Variants in SLC8A2 observed in about 807,000 individuals in gnomAD.
SLC8A2 encodes the protein solute carrier family 8 member A2, also known as sodium/calcium exchanger 2.
In SLC8A2, 14 loss-of-function variants were observed where a neutral mutation model predicts 70.2. The observed-to-expected ratio is 0.20, with a 90% CI of 0.13 to 0.31. The LOEUF (loss-of-function observed/expected upper bound fraction) is 0.31, where lower values mean the gene tolerates loss of function less well. Ranked by LOEUF, SLC8A2 falls within the 10% of genes least tolerant of loss-of-function variation. SLC8A2 has a pLI of 1.00. For synonymous variants in SLC8A2, 575 were observed against 594.3 expected, an observed-to-expected ratio of 0.97 and a Z score of 0.47; for missense variants, 779 against 1,320.1, an observed-to-expected ratio of 0.59 and a Z score of 6.35.
rs186742887 is a variant in SLC8A2, at chr19:47,470,783, T to G, written c.-17+1006A>C. ...TCATCTCTACTACAGAGGCTACCGG[T>G]TAAACTGCAAGAAGGACCGGCCTCA... On this transcript the variant is annotated intron_variant, in intron 1 of 9. Coordinates refer to ENST00000236877, the MANE Select transcript of SLC8A2 (RefSeq NM_015063.3). Among the ~76,000 whole-genome samples, 472 of 152,088 alleles carry G rather than the reference T, an allele frequency of 3.1e-3. 1 individual carries two copies. Among genetic ancestry groups the G allele is most frequent in the African/African-American group, 0.011 (441 of 41,484 alleles).
chr19:47,441,410 G>C lies in SLC8A2; in HGVS notation c.1794C>G (p.Asp598Glu). The change falls in exon 5 of 10, where the codon GAC (aspartate) becomes GAG (glutamate). Residue 598 changes from aspartate to glutamate, a missense_variant. Transcript: ENST00000236877. The stretch of plus-strand genomic sequence containing the variant: ...AATTATCCTTTTTCTCATATTCCTC[G>C]TCATCAACTATCTTCACCTGAAGAG... ...MKTLQVKIVD[D>E]EEYEKKDNFF... 1 of 1,613,220 alleles carries C rather than the reference G, an allele frequency of 6.2e-7. No individual in the cohort carries two copies. Among genetic ancestry groups the C allele is most frequent in the South Asian group, 1.1e-5 (1 of 91,006 alleles).
At position 47,429,683 on chromosome 19, in the gene SLC8A2, TG is replaced by T. The variant is rs60926613; in HGVS notation, c.*405del. ...TGAGGCTCTGGGACATGGGGTGAAG[TG>T]GGGGGGGGGTCACTAGGGGAAGGGA... On this transcript the variant is annotated 3_prime_UTR_variant, in exon 10 of 10. Coordinates refer to ENST00000236877, the MANE Select transcript of SLC8A2 (RefSeq NM_015063.3). 0.92 allele frequency: 132,209 copies of T among 143,656 alleles called. 60,587 individuals carry two copies. Among genetic ancestry groups the T allele is most frequent in the East Asian group, 0.98 (4,643 of 4,758 alleles). 8.9% of individuals were successfully genotyped at this position (143,656 alleles called of 1,614,324 possible).
chr19:47,443,029 G>T (rs1297879095), intron 4 of SLC8A2, among the ~76,000 whole-genome samples: 1 of 152,068 alleles, frequency 6.6e-6, no homozygotes, highest in East Asian at 1.9e-4. Flanking sequence ...CATTTATTTA[G>T]TTTATTGTTC....
intron 6 of SLC8A2, 58 bp from the exon 7 acceptor site, chr19:47,438,031 A>G: frequency 6.2e-7 from 1 of 1,604,428 alleles, no homozygotes; most frequent in Non-Finnish European, 8.5e-7. Context: ...TGGGCCTGTG[A>G]CGCCTTTACT....
At chr19:47,464,665 C>A (rs1967435875) in intron 2 of SLC8A2, among the ~76,000 whole-genome samples, 1 of 152,182 alleles carries the variant, frequency 6.6e-6, no homozygotes, top group Non-Finnish European at 1.5e-5. Flanking sequence ...AGCTTCAGAT[C>A]CTTCCTGGGA....
intron 2 of SLC8A2, among the ~76,000 whole-genome samples, chr19:47,463,679 C>CAAAA (rs200422472): frequency 2.7e-4 from 33 of 120,108 alleles, no homozygotes; most frequent in African/African-American, 9.3e-4. Flanking sequence ...GACTCTGTCT[C>CAAAA]AAAAAAAAAA....
At chr19:47,469,866 C>T (rs8108924) in intron 1 of SLC8A2, among the ~76,000 whole-genome samples, 20,237 of 152,176 alleles carry the variant, frequency 0.13, 1,452 homozygotes, top group East Asian at 0.22. Context: ...CGTGGGCGTG[C>T]GGCCAGCTGG....
chr19:47,447,917 C>T lies in SLC8A2; in HGVS notation c.1655G>A (p.Arg552His). The change falls in exon 4 of 10, where the codon CGC becomes CAC. Residue 552 changes from arginine to histidine, a missense_variant. Physicochemically the swap from Arg to His is conservative, Grantham distance 29 (BLOSUM62 0). This residue lies in a region of SLC8A2 where 247 missense variants were observed against 362.8 expected (regional missense o/e 0.68). Coordinates refer to ENST00000236877, the MANE Select transcript of SLC8A2 (RefSeq NM_015063.3). The surrounding 1 kb of genome is among the most constrained non-coding windows in gnomAD (Gnocchi z 5.1). ...GCGGTAGGGAAGGCGCACGGTGCCG[C>T]GCGCGCCCGAGCTGCGCACGACGCG... Reference protein sequence around the residue: ...DVRVVRSSGARGTVRLPYRTV... With the variant: ...DVRVVRSSGAHGTVRLPYRTV... 1 of 1,570,136 alleles carries T rather than the reference C, an allele frequency of 6.4e-7. No individual in the cohort carries two copies. Among genetic ancestry groups the T allele is most frequent in the Non-Finnish European group, 8.6e-7 (1 of 1,158,664 alleles).
chr19:47,460,996 G>A (rs971063022), intron 2 of SLC8A2, among the ~76,000 whole-genome samples: 4 of 150,184 alleles, frequency 2.7e-5, no homozygotes, highest in African/African-American at 9.8e-5. Flanking sequence ...GGTGGATCAC[G>A]AGGGCCAACA....
chr19:47,467,836 C>CAAAAAA (rs35745146), intron 1 of SLC8A2, among the ~76,000 whole-genome samples: 15 of 38,394 alleles, frequency 3.9e-4, no homozygotes, highest in Non-Finnish European at 4.6e-4. Context: ...TCTAAAAATA[C>CAAAAAA]AAAAAAAAAA....
At chr19:47,442,196 C>A (rs749636917) in intron 4 of SLC8A2, among the ~76,000 whole-genome samples, 1 of 152,162 alleles carries the variant, frequency 6.6e-6, no homozygotes, top group Non-Finnish European at 1.5e-5. Flanking sequence ...AGACTGTTAA[C>A]CCCTGCACTC....
At chr19:47,452,930 C>T (rs934117949) in intron 3 of SLC8A2, among the ~76,000 whole-genome samples, 2 of 151,930 alleles carry the variant, frequency 1.3e-5, no homozygotes, top group African/African-American at 2.4e-5. Flanking sequence ...CTACTCAAGA[C>T]GCTGAGGCAT....
At chr19:47,433,476 G>T (rs751156542) in intron 8 of SLC8A2, among the ~76,000 whole-genome samples, 24 of 152,206 alleles carry the variant, frequency 1.6e-4, no homozygotes, top group Non-Finnish European at 2.9e-4. Flanking sequence ...TCCTGTGAGT[G>T]ACTATCTGAC....
In SLC8A2 at chr19:47,429,798, G is replaced by A. The variant is rs1043088753; in HGVS notation, c.*291C>T. On this transcript the variant is annotated 3_prime_UTR_variant, in exon 10 of 10. Coordinates refer to ENST00000236877, the MANE Select transcript of SLC8A2 (RefSeq NM_015063.3). ...TACTGGGGGTGGTTCCCTGGGGAGG[G>A]GACTGGGGTGGAAATTTCCCCAGGG... is the stretch of plus-strand genomic sequence containing the variant. 9 of 516,538 alleles carry A rather than the reference G, an allele frequency of 1.7e-5. No homozygotes were observed. In the East Asian group the frequency reaches 3.1e-4, roughly 18 times the overall value. 32.0% of individuals were successfully genotyped at this position (516,538 alleles called of 1,614,324 possible). A position where few individuals can be genotyped will look rare whatever the true frequency, so the allele number is the denominator to read the frequency against.
intron 6 of SLC8A2, among the ~76,000 whole-genome samples, chr19:47,440,326 T>A (rs915575175): frequency 6.6e-6 from 1 of 152,146 alleles, no homozygotes; most frequent in East Asian, 1.9e-4. Context: ...AACCCCGATC[T>A]CCAATCCAAA....
At chr19:47,449,139 T>A (rs1967205492) in intron 3 of SLC8A2, among the ~76,000 whole-genome samples, 1 of 151,990 alleles carries the variant, frequency 6.6e-6, no homozygotes, top group African/African-American at 2.4e-5. Context: ...GAATGAACAA[T>A]AAACAAACAC....
Position 47,448,067 on chromosome 19 carries a change from G to A in SLC8A2, c.1505C>T (p.Pro502Leu). 6.3e-7 allele frequency: 1 copy of A among 1,587,386 alleles called. No individual in the cohort carries two copies. The highest frequency in any genetic ancestry group is 8.6e-7 in the Non-Finnish European group (1 of 1,166,614). Residue 502 changes from proline to leucine, a missense_variant, in exon 4 of 10, where the codon CCC (proline) becomes CTC (leucine). By Grantham distance (98) the Pro-to-Leu change is moderately conservative. This residue lies in a region of SLC8A2 where 247 missense variants were observed against 362.8 expected (regional missense o/e 0.68). Coordinates refer to ENST00000236877, the MANE Select transcript of SLC8A2 (RefSeq NM_015063.3). The surrounding 1 kb of genome is among the most constrained non-coding windows in gnomAD (Gnocchi z 4.8). ...CAGCGGCGCCACCAGCCGCCCCTTG[G>A]GCCGCCCGCCGCCGTCCGGCTCGAA... Reference protein sequence around the residue: ...GMFEPDGGGRPKGRLVAPLLA... With the variant: ...GMFEPDGGGRLKGRLVAPLLA...
chr19:47,438,079 C>T (rs1378807877), intron 6 of SLC8A2, 106 bp from the exon 7 acceptor site: 1 of 1,407,610 alleles, frequency 7.1e-7, no homozygotes, highest in East Asian at 2.3e-5. Context: ...ATCTGTTCTC[C>T]TCTGGGAAGC....
rs1967493372 is a variant in SLC8A2, at chr19:47,468,633, A to C, written c.-16-2214T>G. Among the ~76,000 whole-genome samples, 1 of 151,986 alleles carries C rather than the reference A, an allele frequency of 6.6e-6. No individual in the cohort carries two copies. Among genetic ancestry groups the C allele is most frequent in the Admixed American group, 6.6e-5 (1 of 15,242 alleles). On this transcript the variant is annotated intron_variant, in intron 1 of 9. Coordinates refer to ENST00000236877, the MANE Select transcript of SLC8A2 (RefSeq NM_015063.3). This position sits in a 1 kb window ranked among gnomAD's most constrained non-coding sequence, Gnocchi z 5.1. ...CTAGCCTTGCTCTCTCTGCCCTTTCAGGTTTCCACTCTGATGTCAGCTTCC... is the reference window on the plus strand; with the variant it reads ...CTAGCCTTGCTCTCTCTGCCCTTTCCGGTTTCCACTCTGATGTCAGCTTCC...
Sources: allele counts gnomAD v4.1 joint callset (sites outside exome capture counted in the v4.1 genomes callset), GRCh38; gene constraint gnomAD v4.1.1; regional missense constraint gnomAD v4.1.1; non-coding constraint Gnocchi (gnomAD v3.1); transcripts MANE v1.5; gene names NCBI Gene and HGNC (gene_info 2026-07-23, HGNC 2026-07-21).